The following TRPC6 variants were observed in gnomAD, a reference collection of about 807,000 sequenced individuals.
The protein encoded by TRPC6 is transient receptor potential cation channel subfamily C member 6.
In TRPC6, 55 loss-of-function variants were observed where a neutral mutation model predicts 90.7. The observed-to-expected ratio is 0.61, with a 90% CI of 0.49 to 0.76. The LOEUF (loss-of-function observed/expected upper bound fraction) is 0.76, where lower values mean the gene tolerates loss of function less well. Ranked by LOEUF, TRPC6 falls within the 30% of genes least tolerant of loss-of-function variation. The pLI, the probability that TRPC6 is intolerant of heterozygous loss-of-function variation, is 0.00. For missense variants in TRPC6, 989 were observed against 1,122.7 expected (o/e 0.88, Z 1.70); for synonymous variants, 393 against 393.0 (o/e 1.00, Z 0.00).
chr11:101,492,719 T>C (rs570556628), intron 2 of TRPC6, among the ~76,000 whole-genome samples: 1 of 152,308 alleles, frequency 6.6e-6, no homozygotes, highest in African/African-American at 2.4e-5. Flanking sequence ...AGGCATACAA[T>C]ATACATTTAA....
At chr11:101,575,770 T>C (rs1379162072) in intron 1 of TRPC6, among the ~76,000 whole-genome samples, 1 of 152,194 alleles carries the variant, frequency 6.6e-6, no homozygotes, top group Admixed American at 6.5e-5. Flanking sequence ...TTAAACATAC[T>C]TATTACTGCT....
intron 3 of TRPC6, among the ~76,000 whole-genome samples, chr11:101,490,627 TGTAGTTTTA>T (rs1859782588): frequency 1.3e-5 from 2 of 152,296 alleles, no homozygotes; most frequent in South Asian, 4.1e-4. Context: ...AGCTAATTTT[TGTAGTTTTA>T]GTAGAGACGG....
At chr11:101,568,104 G>A (rs1861876740) in intron 1 of TRPC6, among the ~76,000 whole-genome samples, 1 of 152,166 alleles carries the variant, frequency 6.6e-6, no homozygotes, top group Non-Finnish European at 1.5e-5. Flanking sequence ...GCCAATGCAA[G>A]GAAGCTAAGA....
chr11:101,552,131 C>T (rs1049281277), intron 1 of TRPC6, among the ~76,000 whole-genome samples: 1 of 152,014 alleles, frequency 6.6e-6, no homozygotes, highest in Non-Finnish European at 1.5e-5. Context: ...GTTCTTTACA[C>T]CAATAAGATC....
At chr11:101,455,150 T>A in intron 10 of TRPC6, 49 bp from the exon 11 acceptor site, 2 of 1,463,136 alleles carry the variant, frequency 1.4e-6, no homozygotes, top group Non-Finnish European at 9.6e-7. Context: ...CATTTTCTTT[T>A]AAATAAAGTA....
Position 101,504,155 on chromosome 11 carries a change from A to G in TRPC6, c.814T>C (p.Ser272Pro). 6.2e-7 allele frequency: 1 copy of G among 1,614,134 alleles called. No homozygotes were observed. Among genetic ancestry groups the G allele is most frequent in the Non-Finnish European group, 8.5e-7 (1 of 1,179,998 alleles). Residue 272 changes from serine to proline, a missense_variant, in exon 2 of 13, where the codon TCT (serine) becomes CCT (proline). Transcript: ENST00000344327. ...QKHDSFSHSR[S>P]RINAYKGLAS... is the part of the protein sequence containing the mutation. ...AGGCCTTTATAGGCATTAATCCTAGATCTGGAGTGGCTAAACGAGTCATGC... is the reference window on the plus strand; with the variant it reads ...AGGCCTTTATAGGCATTAATCCTAGGTCTGGAGTGGCTAAACGAGTCATGC...
chr11:101,575,673 A>T (rs1193853590), intron 1 of TRPC6, among the ~76,000 whole-genome samples: 1 of 152,222 alleles, frequency 6.6e-6, no homozygotes, highest in Non-Finnish European at 1.5e-5. Flanking sequence ...GAATGAATAA[A>T]TAGATTAATG....
chr11:101,548,583 A>G (rs918944239), intron 1 of TRPC6, among the ~76,000 whole-genome samples: 17 of 142,538 alleles, frequency 1.2e-4, no homozygotes, highest in Middle Eastern at 7.0e-3. Context: ...TAAGAATCCA[A>G]TTCTATTTTT....
chr11:101,483,130 A>G lies in TRPC6; in HGVS notation c.1329T>C (p.Phe443=), dbSNP rs1190971334. 6.2e-7 allele frequency: 1 copy of G among 1,614,038 alleles called. No individual in the cohort carries two copies. The highest frequency in any genetic ancestry group is 2.2e-5 in the East Asian group (1 of 44,878). ...GKIMRGPFMK[F]VAHAASFTIF... ...TGGTGAAGGAGGCTGCGTGTGCTAC[A>G]AACTTCATGAATGGTCCACGCATTA... The change falls in exon 5 of 13, where the codon TTT becomes TTC. Residue 443 remains phenylalanine, a synonymous_variant. Transcript: ENST00000344327.
At position 101,504,121 on chromosome 11, in the gene TRPC6, G is replaced by A. The variant is rs1437212772; in HGVS notation, c.848C>T (p.Pro283Leu). Residue 283 changes from proline to leucine, a missense_variant, in exon 2 of 13, where the codon CCG becomes CTG. By Grantham distance (98) the Pro-to-Leu change is moderately conservative (BLOSUM62 -3). Around this residue, in one of 4 missense-constraint regions of TRPC6, gnomAD observed 486 missense variants for 591.9 expected, o/e 0.82. Transcript: ENST00000344327. Reference protein sequence around the residue: ...RINAYKGLASPAYLSLSSEDP... With the variant: ...RINAYKGLASLAYLSLSSEDP... ...TTCACTAGACAATGACAGGTAAGCC[G>A]GACTTGCCAGGCCTTTATAGGCATT... is the stretch of plus-strand genomic sequence containing the variant. 4.3e-6 allele frequency: 7 copies of A among 1,614,020 alleles called. No individual in the cohort carries two copies. The highest frequency in any genetic ancestry group is 5.1e-6 in the Non-Finnish European group (6 of 1,179,928).
chr11:101,503,683 AC>A (rs1860184351), intron 2 of TRPC6, among the ~76,000 whole-genome samples: 2 of 152,114 alleles, frequency 1.3e-5, no homozygotes, highest in African/African-American at 4.8e-5. Context: ...TGGATTCTGA[AC>A]CCAGCTGTGT....
Position 101,460,890 on chromosome 11 carries a change from G to A in TRPC6, c.2485-5789C>T, listed in dbSNP as rs373718748. On this transcript the variant is annotated intron_variant, in intron 10 of 12. Transcript: ENST00000344327. ...TTTGGAGAGGGACACTGTTATTCTT[G>A]AGACTAATAATTCATAACCTCTTAT... Among the ~76,000 whole-genome samples, 5 of 152,276 alleles carry A rather than the reference G, an allele frequency of 3.3e-5. No individual in the cohort carries two copies. In the East Asian group the frequency reaches 7.7e-4, roughly 24 times the overall value.
At chr11:101,480,711 T>G (rs1431396987) in intron 5 of TRPC6, among the ~76,000 whole-genome samples, 1 of 152,166 alleles carries the variant, frequency 6.6e-6, no homozygotes, top group Non-Finnish European at 1.5e-5. Flanking sequence ...TAATTGTAAT[T>G]ATCTGAAATT....
At position 101,566,241 on chromosome 11, in the gene TRPC6, A is replaced by G. The variant is rs140478409; in HGVS notation, c.170+17093T>C. Among the ~76,000 whole-genome samples, 408 of 152,334 alleles carry G rather than the reference A, an allele frequency of 2.7e-3. 2 individuals carry two copies. Among genetic ancestry groups the G allele is most frequent in the African/African-American group, 9.5e-3 (394 of 41,586 alleles). ...CAAAATTATATTATCAATAATGTGT[A>G]ACTTTTAGACCATTCTTTACTTACC... On this transcript the variant is annotated intron_variant, in intron 1 of 12. Coordinates refer to ENST00000344327, the MANE Select transcript of TRPC6 (RefSeq NM_004621.6).
At chr11:101,501,055 C>T (rs970561756) in intron 2 of TRPC6, among the ~76,000 whole-genome samples, 1 of 151,844 alleles carries the variant, frequency 6.6e-6, no homozygotes, top group African/African-American at 2.4e-5. Context: ...GTTTTTCAAA[C>T]ATCTTTCAGA....
chr11:101,567,688 T>A (rs1185259145), intron 1 of TRPC6, among the ~76,000 whole-genome samples: 13 of 152,176 alleles, frequency 8.5e-5, no homozygotes. Flanking sequence ...CAATCTGGGC[T>A]ATTCTGCAGC....
At position 101,548,276 on chromosome 11, in the gene TRPC6, T is replaced by TTA. The variant is rs56777096; in HGVS notation, c.170+35056_170+35057dup. On this transcript the variant is annotated intron_variant, in intron 1 of 12. Transcript: ENST00000344327. Reference sequence around the variant, plus strand: ...ATATATATATACATATATATATAATTTATATATATAATTATATATAATTGA... The same window carrying TTA: ...ATATATATATACATATATATATAATTTATATATATATAATTATATATAATTGA... Among the ~76,000 whole-genome samples, 5 of 132,388 alleles carry TTA rather than the reference T, an allele frequency of 3.8e-5. No homozygotes were observed. The Admixed American group carries it at 4.1e-4, about 11-fold the overall frequency. The allele number at this position is 132,388 out of a possible 152,430, so 86.9% of individuals were successfully genotyped here.
At chr11:101,479,219 C>G (rs1171522248) in intron 5 of TRPC6, among the ~76,000 whole-genome samples, 2 of 152,242 alleles carry the variant, frequency 1.3e-5, no homozygotes, top group Non-Finnish European at 2.9e-5. Context: ...GATGTGGTCT[C>G]GCCATTGGGT....
At chr11:101,537,173 A>G (rs1365907012) in intron 1 of TRPC6, among the ~76,000 whole-genome samples, 1 of 152,240 alleles carries the variant, frequency 6.6e-6, no homozygotes, top group Non-Finnish European at 1.5e-5. Context: ...TCAAAATAGT[A>G]CTTCCAATTT....
Sources: gnomAD v4.1 joint callset for allele counts (sites outside exome capture counted in the v4.1 genomes callset) on GRCh38, gnomAD v4.1.1 for gene constraint, gnomAD v4.1.1 regional missense constraint, MANE v1.5 for transcripts, NCBI Gene and HGNC (gene_info 2026-07-23, HGNC 2026-07-21) for gene names.